The following HERC1 variants were observed in gnomAD, a reference collection of about 807,000 sequenced individuals.
HERC1 encodes HECT and RLD domain containing E3 ubiquitin protein ligase family member 1, also known as probable E3 ubiquitin-protein ligase HERC1.
A neutral mutation model predicts 554.3 loss-of-function variants in HERC1; 160 were observed. That is an observed-to-expected ratio of 0.29 (90% CI 0.25 to 0.33). HERC1 has a LOEUF of 0.33. Among genes scored for constraint, HERC1 ranks in the 10% least tolerant of loss-of-function variants. The probability of loss-of-function intolerance (pLI) is 1.00; values close to 1 mark genes in which losing one functional copy is unlikely to be tolerated. For missense variants in HERC1, 4,919 were observed against 5,918.5 expected, an observed-to-expected ratio of 0.83 and a Z score of 5.54; for synonymous variants, 2,175 against 2,131.7, an observed-to-expected ratio of 1.02 and a Z score of -0.56.
intron 57 of HERC1, among the ~76,000 whole-genome samples, chr15:63,644,528 C>T (rs577528157): frequency 6.6e-6 from 1 of 152,102 alleles, no homozygotes; most frequent in South Asian, 2.1e-4. Flanking sequence ...GCTTTTTACC[C>T]TCTCCAAACC....
At chr15:63,632,476 T>C in intron 68 of HERC1, 1 of 581,370 alleles carries the variant, frequency 1.7e-6, no homozygotes, top group Non-Finnish European at 3.1e-6. Context: ...CAGGGACTCT[T>C]CTAGCAAGAG....
At chr15:63,780,138 A>G (rs929231026) in intron 1 of HERC1, 1 of 152,104 alleles carries the variant, frequency 6.6e-6, no homozygotes, top group Admixed American at 6.5e-5. Flanking sequence ...TTTTTATGAA[A>G]TTTGTTCATC....
intron 1 of HERC1, among the ~76,000 whole-genome samples, chr15:63,788,753 C>T (rs1188045916): frequency 6.6e-6 from 1 of 151,492 alleles, no homozygotes; most frequent in Non-Finnish European, 1.5e-5. Flanking sequence ...CCCGTCTCTA[C>T]TAAAAATACA....
chr15:63,734,962 C>A lies in HERC1; in HGVS notation c.2521-113G>T. ...GATCATGTAAGTCTAAAAAAGATGG[C>A]ATGATAAAAAAGAAAGCATGCAAGT... On this transcript the variant is annotated intron_variant, in intron 12 of 77. Transcript: ENST00000443617. The surrounding 1 kb of genome is among the most constrained non-coding windows in gnomAD (Gnocchi z 4.6). 2.3e-6 allele frequency: 2 copies of A among 885,606 alleles called. No homozygotes were observed. The highest frequency in any genetic ancestry group is 1.7e-6 in the Non-Finnish European group (1 of 598,422). The allele number at this position is 885,606 out of a possible 1,614,324, so 54.9% of individuals were successfully genotyped here.
In HERC1 at chr15:63,648,204, C is replaced by T; in HGVS notation, c.10748-5G>A. 1 of 1,601,082 alleles carries T rather than the reference C, an allele frequency of 6.2e-7. No homozygotes were observed. The highest frequency in any genetic ancestry group is 8.5e-7 in the Non-Finnish European group (1 of 1,172,888). On this transcript the variant is annotated splice_polypyrimidine_tract_variant and splice_region_variant and intron_variant, in intron 54 of 77. Coordinates refer to ENST00000443617, the MANE Select transcript of HERC1 (RefSeq NM_003922.4). ...ATGCAATGCAAGTAACAGACACTAACATGATCAAAACAAAAGAGTAAGGAA... is the reference window on the plus strand; with the variant it reads ...ATGCAATGCAAGTAACAGACACTAATATGATCAAAACAAAAGAGTAAGGAA...
intron 1 of HERC1, among the ~76,000 whole-genome samples, chr15:63,828,659 T>C (rs1053230944): frequency 3.3e-5 from 5 of 152,048 alleles, no homozygotes; most frequent in African/African-American, 1.2e-4. Flanking sequence ...TTTTATACAG[T>C]AGTGTTTAGT....
chr15:63,735,214 T>C (rs566060381), intron 12 of HERC1, among the ~76,000 whole-genome samples: 49 of 152,148 alleles, frequency 3.2e-4, no homozygotes, highest in Non-Finnish European at 6.2e-4. Context: ...AAAGTATAAA[T>C]GTGAAAGGAG....
At position 63,698,803 on chromosome 15, in the gene HERC1, T is replaced by C. The variant is rs773530127; in HGVS notation, c.4830A>G (p.Lys1610=). Residue 1610 remains lysine (K), a synonymous_variant, in exon 26 of 78, where the codon AAA becomes AAG. Transcript: ENST00000443617. ...TTGTAGACATACTTTCCTCTGGCTC[T>C]TTAAAACCTGGGGCATTCCCCACAT... ...SGDVGNAPGF[K]EPEESMSTSP... 30 of 1,613,870 alleles carry C rather than the reference T, an allele frequency of 1.9e-5. No individual in the cohort carries two copies. Among genetic ancestry groups the C allele is most frequent in the South Asian group, 3.3e-5 (3 of 91,086 alleles).
chr15:63,718,744 G>A lies in HERC1; in HGVS notation c.3857+39C>T, dbSNP rs368029299. 82 of 1,604,232 alleles carry A rather than the reference G, an allele frequency of 5.1e-5. No individual in the cohort carries two copies. Among genetic ancestry groups the A allele is most frequent in the Non-Finnish European group, 6.7e-5 (78 of 1,172,474 alleles). On this transcript the variant is annotated intron_variant, in intron 20 of 77. Transcript: ENST00000443617. This position sits in a 1 kb window ranked among gnomAD's most constrained non-coding sequence, Gnocchi z 4.2. The stretch of plus-strand genomic sequence containing the variant: ...AGTTACCTAATTTCTGACATCATGA[G>A]AGCAAATATTTGTCTGAGGATAGTT...
intron 12 of HERC1, among the ~76,000 whole-genome samples, chr15:63,740,060 G>A (rs1401696015): frequency 2.6e-5 from 4 of 151,884 alleles, no homozygotes; most frequent in African/African-American, 4.8e-5. Context: ...ACAGGCATGC[G>A]CCACCAGACT....
chr15:63,784,712 ACT>A, intron 1 of HERC1, among the ~76,000 whole-genome samples: 1 of 151,554 alleles, frequency 6.6e-6, no homozygotes, highest in African/African-American at 2.4e-5. Flanking sequence ...GGTTCAAGCG[ACT>A]CTCCTGCCTC....
intron 2 of HERC1, among the ~76,000 whole-genome samples, chr15:63,765,767 TAA>T (rs2075756786): frequency 6.6e-6 from 1 of 152,154 alleles, no homozygotes; most frequent in Non-Finnish European, 1.5e-5. Flanking sequence ...CTAAAATGTA[TAA>T]AAGCAAGCTG....
At chr15:63,822,414 C>T (rs770349565) in intron 1 of HERC1, among the ~76,000 whole-genome samples, 1 of 152,020 alleles carries the variant, frequency 6.6e-6, no homozygotes, top group Non-Finnish European at 1.5e-5. Context: ...GGTGAACCCC[C>T]ATCTCTACTA....
chr15:63,797,830 C>G (rs1021465216), intron 1 of HERC1, among the ~76,000 whole-genome samples: 1 of 152,084 alleles, frequency 6.6e-6, no homozygotes, highest in African/African-American at 2.4e-5. Flanking sequence ...CACAAAAATC[C>G]GTAAGATAGT....
intron 74 of HERC1, among the ~76,000 whole-genome samples, chr15:63,621,955 G>A (rs2068096362): frequency 6.6e-6 from 1 of 151,914 alleles, no homozygotes; most frequent in Non-Finnish European, 1.5e-5. Flanking sequence ...TTAGCTCAGG[G>A]TAGTTTGATC....
At position 63,674,921 on chromosome 15, in the gene HERC1, C is replaced by T. The variant is rs531561673; in HGVS notation, c.7267G>A (p.Glu2423Lys). ...RHEKKHRHES[E>K]EKGDVEQKPE... Reference sequence around the variant, plus strand: ...TTCTGCTCAACATCCCCTTTCTCCTCGGATTCATGTCGGTGTTTCTTTTCA... The same window carrying T: ...TTCTGCTCAACATCCCCTTTCTCCTTGGATTCATGTCGGTGTTTCTTTTCA... Residue 2423 changes from glutamate (E) to lysine (K), a missense_variant, in exon 38 of 78, where the codon GAG becomes AAG. This residue lies in a region of HERC1 where 1,963 missense variants were observed against 2,228.6 expected (regional missense o/e 0.88). Transcript: ENST00000443617. 4 of 1,613,920 alleles carry T rather than the reference C, an allele frequency of 2.5e-6. No homozygotes were observed. The highest frequency in any genetic ancestry group is 1.1e-5 in the South Asian group (1 of 91,084).
At chr15:63,811,857 G>A (rs1293904711) in intron 1 of HERC1, among the ~76,000 whole-genome samples, 2 of 149,046 alleles carry the variant, frequency 1.3e-5, no homozygotes, top group Admixed American at 1.3e-4. Flanking sequence ...GGTTATCTTT[G>A]ACAATGAAAG....
intron 1 of HERC1, among the ~76,000 whole-genome samples, chr15:63,829,555 GTGTGTGTA>G (rs1477583454): frequency 1.5e-5 from 1 of 65,796 alleles, no homozygotes; most frequent in Admixed American, 1.4e-4. Context: ...GTGTGTGTGT[GTGTGTGTA>G]TATATATATA....
rs1403530499 is a variant in HERC1, at chr15:63,624,020, C to T, written c.13446-130G>A. On this transcript the variant is annotated intron_variant, in intron 72 of 77. Transcript: ENST00000443617. ...AGCACTGTGCTAGGCCCACTGTAAC[C>T]ACACCAGGTACTAATGTAAGTACTA... 4 of 1,239,196 alleles carry T rather than the reference C, an allele frequency of 3.2e-6. No homozygotes were observed. The East Asian group carries it at 9.4e-5, about 29-fold the overall frequency. The allele number at this position is 1,239,196 out of a possible 1,614,324, so 76.8% of individuals were successfully genotyped here.
Sources: gnomAD v4.1 joint callset for allele counts (sites outside exome capture counted in the v4.1 genomes callset) on GRCh38, gnomAD v4.1.1 for gene constraint, gnomAD v4.1.1 regional missense constraint, Gnocchi (gnomAD v3.1) non-coding constraint, MANE v1.5 for transcripts, NCBI Gene and HGNC (gene_info 2026-07-23, HGNC 2026-07-21) for gene names.